PRICKLE2: variants seen among roughly 807,000 people sequenced by gnomAD.
The protein encoded by PRICKLE2 is prickle-like protein 2.
A neutral mutation model predicts 81.4 loss-of-function variants in PRICKLE2; 21 were observed. That is an observed-to-expected ratio of 0.26 (90% confidence interval 0.18 to 0.37). PRICKLE2 has a LOEUF of 0.37. Among genes scored for constraint, PRICKLE2 ranks in the 10% least tolerant of loss-of-function variants. The pLI is 1.00. For synonymous variants in PRICKLE2, 456 were observed against 421.5 expected, an observed-to-expected ratio of 1.08 and a Z score of -1.00; for missense variants, 940 against 1,109.0, an observed-to-expected ratio of 0.85 and a Z score of 2.16.
intron 7 of PRICKLE2, among the ~76,000 whole-genome samples, chr3:64,143,266 C>T (rs925183068): frequency 4.6e-5 from 7 of 152,022 alleles, no homozygotes; most frequent in South Asian, 4.1e-4. Flanking sequence ...AATTTTAATT[C>T]GTTTAAATTT....
upstream of PRICKLE2, among the ~76,000 whole-genome samples, chr3:64,226,269 T>C (rs1408231034): frequency 6.6e-6 from 1 of 152,210 alleles, no homozygotes; most frequent in African/African-American, 2.4e-5. Flanking sequence ...ATAGAGCTTT[T>C]GTTGAATACC....
intron 1 of PRICKLE2, among the ~76,000 whole-genome samples, chr3:64,208,061 C>T (rs1350073405): frequency 6.6e-6 from 1 of 152,182 alleles, no homozygotes; most frequent in Non-Finnish European, 1.5e-5. Context: ...AAACATTCTT[C>T]TCAAGTGTAC....
At chr3:64,160,167 C>A (rs889753181) in intron 3 of PRICKLE2, 90 bp from the exon 4 acceptor site, 9 of 1,422,104 alleles carry the variant, frequency 6.3e-6, no homozygotes, top group Non-Finnish European at 8.9e-6. Context: ...TCGTTAAATA[C>A]ACTCTCATTT....
At chr3:64,248,084 T>G (rs1044202351) in intron 2 of PRICKLE2, among the ~76,000 whole-genome samples, 1 of 152,144 alleles carries the variant, frequency 6.6e-6, no homozygotes, top group Non-Finnish European at 1.5e-5. Flanking sequence ...TTTGCAGGAG[T>G]AAGTTGAACA....
At chr3:64,220,199 G>A (rs1404258464) in intron 1 of PRICKLE2, among the ~76,000 whole-genome samples, 1 of 152,174 alleles carries the variant, frequency 6.6e-6, no homozygotes. Flanking sequence ...ACTCATAACT[G>A]ATGAATGGAT....
chr3:64,192,737 C>T (rs1468296675), intron 2 of PRICKLE2, among the ~76,000 whole-genome samples: 1 of 152,214 alleles, frequency 6.6e-6, no homozygotes, highest in Non-Finnish European at 1.5e-5. Context: ...TTCATCCTTC[C>T]TGCGACAGTT....
chr3:64,254,630 C>A (rs766448811), intron 2 of PRICKLE2, among the ~76,000 whole-genome samples: 2 of 152,220 alleles, frequency 1.3e-5, no homozygotes, highest in Admixed American at 1.3e-4. Context: ...CTTCCACCCA[C>A]GCAGTCCTAG....
chr3:64,262,056 C>T (rs1473766222), intron 2 of PRICKLE2, among the ~76,000 whole-genome samples: 1 of 152,054 alleles, frequency 6.6e-6, no homozygotes, highest in Non-Finnish European at 1.5e-5. Flanking sequence ...ACAGCAAAAT[C>T]CATAGACCTT....
At chr3:64,143,217 G>C (rs976093511) in intron 7 of PRICKLE2, among the ~76,000 whole-genome samples, 1 of 152,142 alleles carries the variant, frequency 6.6e-6, no homozygotes, top group Non-Finnish European at 1.5e-5. Context: ...CTTAAAATGT[G>C]TCTAGTGCAA....
chr3:64,220,080 G>A (rs1159192310), intron 1 of PRICKLE2, among the ~76,000 whole-genome samples: 1 of 152,086 alleles, frequency 6.6e-6, no homozygotes, highest in Admixed American at 6.6e-5. Context: ...AACATACATT[G>A]CCTTCTATAT....
chr3:64,131,154 T>C (rs191514978), intron 7 of PRICKLE2, among the ~76,000 whole-genome samples: 116 of 152,310 alleles, frequency 7.6e-4, no homozygotes, highest in Non-Finnish European at 1.3e-3. Flanking sequence ...TTGCCCCAAA[T>C]TGTGAGCCTA....
rs781307629 is a variant in PRICKLE2, at chr3:64,147,695, G to A, written c.795C>T (p.Asp265=). The change falls in exon 7 of 8, where the codon GAC becomes GAT. Residue 265 remains aspartate (D), a synonymous_variant. Transcript: ENST00000638394. The surrounding 1 kb of genome is among the most constrained non-coding windows in gnomAD (Gnocchi z 5.0). ...GGCCATCATAGGTCATTTGACCTTG[G>A]TCGATACCTAAAAAAATGAGAGACA... is the stretch of plus-strand genomic sequence containing the variant. The part of the protein sequence containing the change: ...CDTCAQHIGI[D]QGQMTYDGQH... The A allele has an allele frequency of 1.2e-6, 2 of 1,613,704 alleles. No individual in the cohort carries two copies. The highest frequency in any genetic ancestry group is 1.7e-6 in the Non-Finnish European group (2 of 1,180,034).
chr3:64,100,373 A>T (rs1299099106), intron 7 of PRICKLE2: 2 of 169,036 alleles, frequency 1.2e-5, no homozygotes, highest in African/African-American at 4.8e-5. Flanking sequence ...GTTTCTGGCA[A>T]TACCAAACAC....
At chr3:64,171,891 G>A (rs900988451) in intron 2 of PRICKLE2, among the ~76,000 whole-genome samples, 6 of 152,264 alleles carry the variant, frequency 3.9e-5, no homozygotes, top group East Asian at 1.9e-4. Flanking sequence ...TGACAAAAGC[G>A]ACACCCATTT....
chr3:64,145,158 G>A (rs993994546), intron 7 of PRICKLE2, among the ~76,000 whole-genome samples: 1 of 145,948 alleles, frequency 6.9e-6, no homozygotes, highest in Non-Finnish European at 1.5e-5. Flanking sequence ...GGAGTGCAGA[G>A]GTGGGATCAT....
chr3:64,193,052 T>C (rs1396589067), intron 2 of PRICKLE2, among the ~76,000 whole-genome samples: 1 of 152,156 alleles, frequency 6.6e-6, no homozygotes, highest in African/African-American at 2.4e-5. Context: ...GAGAGTGGTG[T>C]AGCATCATGA....
At chr3:64,207,256 T>G (rs2078703240) in intron 1 of PRICKLE2, among the ~76,000 whole-genome samples, 1 of 152,190 alleles carries the variant, frequency 6.6e-6, no homozygotes, top group African/African-American at 2.4e-5. Flanking sequence ...TTATTATACT[T>G]ATTATAAAGT....
At chr3:64,232,370 T>C (rs946579739) in intron 2 of PRICKLE2, among the ~76,000 whole-genome samples, 1 of 152,234 alleles carries the variant, frequency 6.6e-6, no homozygotes, top group Non-Finnish European at 1.5e-5. Flanking sequence ...TCTTCTAATC[T>C]AGAAATTAGA....
upstream of PRICKLE2, among the ~76,000 whole-genome samples, chr3:64,229,155 A>G (rs187352105): frequency 4.6e-4 from 70 of 152,334 alleles, no homozygotes; most frequent in African/African-American, 1.5e-3. Context: ...TGCATAATTA[A>G]GAGACATCTG....
Sources: gnomAD v4.1 joint callset for allele counts (sites outside exome capture counted in the v4.1 genomes callset) on GRCh38, gnomAD v4.1.1 for gene constraint, Gnocchi (gnomAD v3.1) non-coding constraint, MANE v1.5 for transcripts, NCBI Gene and HGNC (gene_info 2026-07-23, HGNC 2026-07-21) for gene names.